Variants in NCAM2 observed in about 807,000 individuals in gnomAD.
NCAM2 encodes the protein neural cell adhesion molecule 2, also known as N-CAM-2.
A neutral mutation model predicts 98.1 loss-of-function variants in NCAM2; 30 were observed. The ratio of observed to expected loss-of-function variants is 0.31; its 90% confidence interval spans 0.23 to 0.41. NCAM2 has a LOEUF of 0.41. Among genes scored for constraint, NCAM2 ranks in the 10% least tolerant of loss-of-function variants. The pLI, the probability that NCAM2 is intolerant of heterozygous loss-of-function variation, is 1.00. For missense variants in NCAM2, 867 were observed against 1,005.8 expected (o/e 0.86, Z 1.87); for synonymous variants, 368 against 342.4 (o/e 1.07, Z -0.83).
intron 8 of NCAM2, among the ~76,000 whole-genome samples, chr21:21,343,709 G>A (rs1283082216): frequency 2.6e-5 from 4 of 152,150 alleles, no homozygotes; most frequent in Admixed American, 6.5e-5. Context: ...AGGAATCACC[G>A]ATTCCAGCGG....
At chr21:21,291,668 A>G (rs569329639) in intron 4 of NCAM2, among the ~76,000 whole-genome samples, 3 of 151,648 alleles carry the variant, frequency 2.0e-5, no homozygotes, top group South Asian at 2.1e-4. Context: ...GAGACGCAAA[A>G]TTTTTTGTTT....
intron 1 of NCAM2, among the ~76,000 whole-genome samples, chr21:21,028,146 A>T (rs1242126133): frequency 6.6e-6 from 1 of 152,188 alleles, no homozygotes; most frequent in Non-Finnish European, 1.5e-5. Flanking sequence ...TACAGGCATG[A>T]GCCACCGTGC....
chr21:21,457,042 C>T (rs937249640), intron 12 of NCAM2, among the ~76,000 whole-genome samples: 1 of 152,114 alleles, frequency 6.6e-6, no homozygotes, highest in African/African-American at 2.4e-5. Flanking sequence ...AGAGGTGCTG[C>T]TCTAACAAAT....
intron 9 of NCAM2, among the ~76,000 whole-genome samples, chr21:21,398,675 C>T (rs1195406975): frequency 6.6e-6 from 1 of 152,104 alleles, no homozygotes; most frequent in Non-Finnish European, 1.5e-5. Flanking sequence ...AAAGTAGAAA[C>T]TGGTAGGTGA....
intron 1 of NCAM2, among the ~76,000 whole-genome samples, chr21:21,030,421 G>A (rs778440768): frequency 2.8e-4 from 43 of 152,166 alleles, no homozygotes; most frequent in African/African-American, 4.8e-5. Flanking sequence ...CTATAGGTCA[G>A]AAGTTTCCCT....
chr21:21,142,083 C>A (rs936995490), intron 1 of NCAM2, among the ~76,000 whole-genome samples: 3 of 152,170 alleles, frequency 2.0e-5, no homozygotes, highest in Non-Finnish European at 4.4e-5. Context: ...GATCTCCTTT[C>A]TTCTGGTTTA....
intron 1 of NCAM2, among the ~76,000 whole-genome samples, chr21:21,029,765 G>A (rs765354338): frequency 8.6e-5 from 13 of 151,932 alleles, no homozygotes; most frequent in Non-Finnish European, 1.2e-4. Context: ...CGAGTAGCTG[G>A]GGCTGCAAGT....
At chr21:21,046,807 A>G (rs1465098159) in intron 1 of NCAM2, among the ~76,000 whole-genome samples, 2 of 152,342 alleles carry the variant, frequency 1.3e-5, no homozygotes, top group East Asian at 3.9e-4. Context: ...AAGTAAAGAA[A>G]CAAAAATCTA....
chr21:21,110,012 G>A (rs949824777), intron 1 of NCAM2, among the ~76,000 whole-genome samples: 2 of 152,180 alleles, frequency 1.3e-5, no homozygotes, highest in South Asian at 2.1e-4. Context: ...CTCCAAAGCC[G>A]TTGTAGGGGG....
intron 16 of NCAM2, among the ~76,000 whole-genome samples, chr21:21,532,172 G>T (rs997159073): frequency 2.6e-5 from 4 of 151,780 alleles, no homozygotes; most frequent in Non-Finnish European, 4.4e-5. Flanking sequence ...GTTGGTAACT[G>T]GTTAAATATA....
At chr21:21,481,025 G>A (rs1431156570) in intron 15 of NCAM2, among the ~76,000 whole-genome samples, 1 of 152,164 alleles carries the variant, frequency 6.6e-6, no homozygotes, top group African/African-American at 2.4e-5. Flanking sequence ...AGATAACCAT[G>A]GCTTGGAAAC....
intron 1 of NCAM2, among the ~76,000 whole-genome samples, chr21:21,080,120 C>A (rs2065761123): frequency 1.3e-5 from 2 of 151,998 alleles, no homozygotes; most frequent in Non-Finnish European, 2.9e-5. Flanking sequence ...GCAAAGGAAA[C>A]TTTTGGAGGT....
intron 1 of NCAM2, among the ~76,000 whole-genome samples, chr21:21,254,493 T>C (rs2147305194): frequency 6.6e-6 from 1 of 152,316 alleles, no homozygotes; most frequent in South Asian, 2.1e-4. Flanking sequence ...AAATGGCATG[T>C]TGATCAATTG....
chr21:21,301,022 A>C (rs1345773849), intron 5 of NCAM2, among the ~76,000 whole-genome samples: 2 of 152,084 alleles, frequency 1.3e-5, no homozygotes, highest in Non-Finnish European at 2.9e-5. Flanking sequence ...CGGATAGTGA[A>C]TATATCTTCT....
chr21:21,280,648 T>C lies in NCAM2; in HGVS notation c.126T>C (p.Cys42=), dbSNP rs764999634. The change falls in exon 2 of 18, where the codon TGT becomes TGC. Residue 42 remains cysteine, a synonymous_variant. Transcript: ENST00000400546. ...TTGGAGAATCTAAATTCTTCACATG[T>C]ACAGGTACGTATTTCTGTAAATACC... ...LSVGESKFFT[C]TAIGEPESID... is the part of the protein sequence containing the mutation. 1 of 1,558,840 alleles carries C rather than the reference T, an allele frequency of 6.4e-7. No homozygotes were observed. The highest frequency in any genetic ancestry group is 1.8e-5 in the Admixed American group (1 of 54,066).
intron 15 of NCAM2, among the ~76,000 whole-genome samples, chr21:21,484,727 TATCAACCTTTTAAGTGGA>T (rs1458041568): frequency 6.6e-6 from 1 of 152,188 alleles, no homozygotes; most frequent in Admixed American, 6.6e-5. Context: ...TTCCCCCAAT[TATCAACCTTTTAAGTGGA>T]TAATTTGTCA....
At chr21:21,475,387 G>A (rs1985035339) in intron 14 of NCAM2, among the ~76,000 whole-genome samples, 1 of 152,038 alleles carries the variant, frequency 6.6e-6, no homozygotes, top group Admixed American at 6.6e-5. Flanking sequence ...TACAACATGA[G>A]GGTATTGCAC....
intron 1 of NCAM2, among the ~76,000 whole-genome samples, chr21:21,025,728 C>T (rs1301911333): frequency 6.6e-6 from 1 of 152,074 alleles, no homozygotes; most frequent in African/African-American, 2.4e-5. Context: ...GTACTACTTC[C>T]TGGGCAAAGG....
intron 1 of NCAM2, among the ~76,000 whole-genome samples, chr21:21,145,893 G>A (rs1489584218): frequency 6.6e-6 from 1 of 152,114 alleles, no homozygotes; most frequent in African/African-American, 2.4e-5. Flanking sequence ...TAAGGAGCTT[G>A]GTAAAATATT....
Sources: allele counts gnomAD v4.1 joint callset (sites outside exome capture counted in the v4.1 genomes callset), GRCh38; gene constraint gnomAD v4.1.1; transcripts MANE v1.5; gene names NCBI Gene and HGNC (gene_info 2026-07-23, HGNC 2026-07-21).